BTBD9: variants seen among roughly 807,000 people sequenced by gnomAD.
BTBD9 encodes the protein BTB domain containing 9.
In BTBD9, 49 loss-of-function variants were observed where a neutral mutation model predicts 64.3. The ratio of observed to expected loss-of-function variants is 0.76; its 90% CI spans 0.61 to 0.97. The LOEUF is 0.97. Ranked by LOEUF, BTBD9 falls within the 50% of genes least tolerant of loss-of-function variation. The probability of loss-of-function intolerance (pLI) is 0.00; values close to 1 mark genes in which losing one functional copy is unlikely to be tolerated. For synonymous variants in BTBD9, 260 were observed against 274.7 expected (o/e 0.95, Z 0.53); for missense variants, 598 against 762.1 (o/e 0.78, Z 2.53).
chr6:38,454,791 ACT>A (rs1279860598), intron 6 of BTBD9, among the ~76,000 whole-genome samples: 4 of 149,988 alleles, frequency 2.7e-5, no homozygotes, highest in African/African-American at 9.8e-5. Flanking sequence ...ACAGAGCAAG[ACT>A]CTGTCTCTTA....
chr6:38,501,287 G>A (rs1554163466), intron 6 of BTBD9, among the ~76,000 whole-genome samples: 2 of 152,104 alleles, frequency 1.3e-5, no homozygotes, highest in Non-Finnish European at 2.9e-5. Context: ...CAAAGAAAAT[G>A]CTCATTGGAG....
Position 38,488,508 on chromosome 6 carries a change from T to C in BTBD9, c.1154+89092A>G, listed in dbSNP as rs558099959. Among the ~76,000 whole-genome samples, 9 of 152,322 alleles carry C rather than the reference T, an allele frequency of 5.9e-5. No individual in the cohort carries two copies. In the South Asian group the frequency reaches 1.0e-3, roughly 18 times the overall value. On this transcript the variant is annotated intron_variant, in intron 6 of 10. Coordinates refer to ENST00000481247, the MANE Select transcript of BTBD9 (RefSeq NM_001099272.2). ...CAGGGACGAGGCAGTGACTTCAGGC[T>C]GCGATGTGTCGGCATAGCACAGTCC...
chr6:38,601,943 A>G (rs1348306299), intron 1 of BTBD9, among the ~76,000 whole-genome samples: 1 of 152,214 alleles, frequency 6.6e-6, no homozygotes, highest in Admixed American at 6.5e-5. Flanking sequence ...GCAATTTATA[A>G]TTGCAAAACA....
intron 9 of BTBD9, among the ~76,000 whole-genome samples, chr6:38,193,665 A>G (rs1366743992): frequency 1.3e-5 from 2 of 151,846 alleles, no homozygotes; most frequent in Admixed American, 6.6e-5. Flanking sequence ...CTCCAATAAT[A>G]TTTTCTGTAA....
intron 10 of BTBD9, among the ~76,000 whole-genome samples, chr6:38,183,212 C>T (rs1561842414): frequency 1.3e-5 from 2 of 152,168 alleles, no homozygotes; most frequent in Non-Finnish European, 1.5e-5. Context: ...GATCTGACCT[C>T]GTGATCTGCC....
intron 6 of BTBD9, among the ~76,000 whole-genome samples, chr6:38,346,464 G>A (rs982282357): frequency 2.6e-5 from 4 of 152,040 alleles, no homozygotes; most frequent in Admixed American, 2.0e-4. Context: ...ACTGTCCAGT[G>A]TGCTCACACC....
intron 6 of BTBD9, among the ~76,000 whole-genome samples, chr6:38,527,785 A>T (rs1773575093): frequency 6.6e-6 from 1 of 151,392 alleles, no homozygotes; most frequent in South Asian, 2.1e-4. Flanking sequence ...GAAAGGAAAG[A>T]CTCTATCACC....
chr6:38,588,171 AGACTG>A, intron 4 of BTBD9: 1 of 772,970 alleles, frequency 1.3e-6, no homozygotes, highest in East Asian at 2.4e-5. Flanking sequence ...CAGAGTCAGC[AGACTG>A]GACTCCAAAC....
intron 4 of BTBD9, among the ~76,000 whole-genome samples, chr6:38,586,409 T>C (rs1776528878): frequency 7.5e-6 from 1 of 134,124 alleles, no homozygotes; most frequent in African/African-American, 2.9e-5. Context: ...TTTGGATCTT[T>C]TTTTTTTAAG....
chr6:38,346,324 C>CTAT (rs1167982865), intron 6 of BTBD9, among the ~76,000 whole-genome samples: 10 of 152,174 alleles, frequency 6.6e-5, no homozygotes, highest in Admixed American at 6.5e-4. Context: ...ATATCATGGG[C>CTAT]TATTTTCCCT....
intron 6 of BTBD9, among the ~76,000 whole-genome samples, chr6:38,409,022 G>A (rs911735211): frequency 7.2e-5 from 11 of 152,210 alleles, no homozygotes; most frequent in Admixed American, 2.0e-4. Flanking sequence ...GGCCGAGGCA[G>A]GTGGATCACT....
chr6:38,291,621 C>T (rs1761957128), intron 7 of BTBD9, among the ~76,000 whole-genome samples: 1 of 152,142 alleles, frequency 6.6e-6, no homozygotes, highest in Non-Finnish European at 1.5e-5. Context: ...ATGATATTGG[C>T]TGTGGGTTTG....
chr6:38,399,306 T>C (rs2127631049), intron 6 of BTBD9, among the ~76,000 whole-genome samples: 2 of 152,330 alleles, frequency 1.3e-5, no homozygotes, highest in African/African-American at 4.8e-5. Context: ...TAAAATTGTC[T>C]ACTAGATTAA....
rs1380069702 is a variant in BTBD9 at position 38,534,311 on chromosome 6, T to G, written c.1154+43289A>C. The stretch of plus-strand genomic sequence containing the variant: ...CTAGACACATAAAACCTACCAAGAT[T>G]GAACCATGAAGAAATCCAAAATTTA... On this transcript the variant is annotated intron_variant, in intron 6 of 10. Coordinates refer to ENST00000481247, the MANE Select transcript of BTBD9 (RefSeq NM_001099272.2). Among the ~76,000 whole-genome samples, 7 of 152,024 alleles carry G rather than the reference T, an allele frequency of 4.6e-5. No homozygotes were observed. The East Asian group carries it at 1.3e-3, about 29-fold the overall frequency.
At chr6:38,529,373 G>A (rs760729681) in intron 6 of BTBD9, among the ~76,000 whole-genome samples, 2 of 152,220 alleles carry the variant, frequency 1.3e-5, no homozygotes, top group Non-Finnish European at 2.9e-5. Context: ...AAGACCCACA[G>A]TGTTACTAAG....
chr6:38,618,024 T>C (rs577574707), intron 1 of BTBD9, among the ~76,000 whole-genome samples: 1 of 152,308 alleles, frequency 6.6e-6, no homozygotes, highest in African/African-American at 2.4e-5. Context: ...AAAACAAGTA[T>C]TTCCACTGCT....
chr6:38,589,849 G>A (rs1303152284), intron 4 of BTBD9, among the ~76,000 whole-genome samples: 2 of 152,082 alleles, frequency 1.3e-5, no homozygotes, highest in Non-Finnish European at 2.9e-5. Context: ...CTCTCCTCCG[G>A]TTGTCCTCTG....
At chr6:38,544,730 C>T (rs1774448527) in intron 6 of BTBD9, among the ~76,000 whole-genome samples, 1 of 151,740 alleles carries the variant, frequency 6.6e-6, no homozygotes, top group South Asian at 2.1e-4. Flanking sequence ...AGTTCGAGAC[C>T]AGGTTGGCCA....
At position 38,534,475 on chromosome 6, in the gene BTBD9, C is replaced by CAAAAA. The variant is rs57383061; in HGVS notation, c.1154+43120_1154+43124dup. Among the ~76,000 whole-genome samples, 10 of 94,932 alleles carry CAAAAA rather than the reference C, an allele frequency of 1.1e-4. 1 individual carries two copies. The South Asian group carries it at 3.1e-3, about 30-fold the overall frequency. The allele number at this position is 94,932 out of a possible 152,430, so 62.3% of individuals were successfully genotyped here. ...TGATACCAATTCTACTCAAACTGTTCAAAAAAAAAAAAAAAATAGAGGAGG... is the reference window on the plus strand; with the variant it reads ...TGATACCAATTCTACTCAAACTGTTCAAAAAAAAAAAAAAAAAAAAATAGAGGAGG... On this transcript the variant is annotated intron_variant, in intron 6 of 10. Transcript: ENST00000481247.
Sources: allele counts gnomAD v4.1 joint callset (sites outside exome capture counted in the v4.1 genomes callset), GRCh38; gene constraint gnomAD v4.1.1; transcripts MANE v1.5; gene names NCBI Gene and HGNC (gene_info 2026-07-23, HGNC 2026-07-21).